PTPRD: variants seen among roughly 807,000 people sequenced by gnomAD.
PTPRD encodes the protein receptor-type tyrosine-protein phosphatase delta.
In PTPRD, 34 loss-of-function variants were observed where a neutral mutation model predicts 214.5. The observed-to-expected ratio is 0.16, with a 90% CI of 0.12 to 0.21. PTPRD has a LOEUF of 0.21. Ranked by LOEUF, PTPRD falls within the 10% of genes least tolerant of loss-of-function variation. PTPRD has a pLI of 1.00. For missense variants in PTPRD, 2,545 were observed against 2,398.7 expected, an observed-to-expected ratio of 1.06 and a Z score of -1.27; for synonymous variants, 1,128 against 845.7, an observed-to-expected ratio of 1.33 and a Z score of -5.79.
intron 7 of PTPRD, among the ~76,000 whole-genome samples, chr9:9,577,230 A>G (rs1011721306): frequency 2.6e-5 from 4 of 152,204 alleles, no homozygotes; most frequent in African/African-American, 9.7e-5. Context: ...ACCATTTTCA[A>G]TGATTTGTGG....
intron 7 of PTPRD, among the ~76,000 whole-genome samples, chr9:9,639,345 A>G (rs2095865644): frequency 6.6e-6 from 1 of 152,196 alleles, no homozygotes; most frequent in African/African-American, 2.4e-5. Flanking sequence ...GAACGGACAG[A>G]TGAATACCAA....
intron 10 of PTPRD, among the ~76,000 whole-genome samples, chr9:9,152,454 ATGATGTTCACACACAGGTTAAAGCAGACT>A (rs1250693057): frequency 6.6e-6 from 1 of 152,218 alleles, no homozygotes; most frequent in East Asian, 1.9e-4. Context: ...GGGGGAAATT[ATGATGTTCACACACAGGTTAAAGCAGACT>A]GTAGGATCCT....
chr9:10,571,057 G>A lies in PTPRD; in HGVS notation c.-600+41341C>T, dbSNP rs535569471. 6.1e-3 allele frequency among the ~76,000 whole-genome samples: 927 copies of A among 152,054 alleles called. 14 individuals are homozygous for A. The highest frequency in any genetic ancestry group is 0.021 in the African/African-American group (872 of 41,486). ...CCATTAATCTTCCTTACTATTTTAT[G>A]CATATTTGCATTATAGTGAAGTATT... On this transcript the variant is annotated intron_variant, in intron 2 of 45. Coordinates refer to ENST00000381196, the MANE Select transcript of PTPRD (RefSeq NM_002839.4).
intron 9 of PTPRD, among the ~76,000 whole-genome samples, chr9:9,336,038 T>A (rs114044137): frequency 0.028 from 4,263 of 152,006 alleles, 200 homozygotes; most frequent in African/African-American, 0.098. Context: ...CAAAAAAAGA[T>A]GTTAAAAAGA....
intron 5 of PTPRD, among the ~76,000 whole-genome samples, chr9:9,894,152 T>C (rs1213350373): frequency 6.6e-6 from 1 of 152,030 alleles, no homozygotes; most frequent in Non-Finnish European, 1.5e-5. Context: ...AACACCTCTA[T>C]ATCTCCAAGA....
At chr9:8,758,704 A>C (rs1202717073) in intron 11 of PTPRD, among the ~76,000 whole-genome samples, 2 of 152,174 alleles carry the variant, frequency 1.3e-5, no homozygotes, top group Non-Finnish European at 2.9e-5. Context: ...AATATGCTAC[A>C]ACAAGACAAA....
chr9:9,861,437 T>C (rs1373613676), intron 5 of PTPRD, among the ~76,000 whole-genome samples: 2 of 152,014 alleles, frequency 1.3e-5, no homozygotes. Flanking sequence ...ACTACAGGCA[T>C]GCACCACCAT....
Position 8,947,370 on chromosome 9 carries a change from G to A in PTPRD, c.-104+71327C>T, listed in dbSNP as rs1033813895. Among the ~76,000 whole-genome samples the A allele has an allele frequency of 4.7e-5, 7 of 150,278 alleles. No individual in the cohort carries two copies. In the South Asian group the frequency reaches 1.5e-3, roughly 31 times the overall value. ...CCCAGCTATTCGGGAGACTGAGGCA[G>A]GAGAATCTTCTGAACCCGGGAGGCA... On this transcript the variant is annotated intron_variant, in intron 11 of 45. Transcript: ENST00000381196.
intron 2 of PTPRD, among the ~76,000 whole-genome samples, chr9:10,514,679 A>G (rs1437559625): frequency 1.3e-5 from 2 of 152,000 alleles, no homozygotes; most frequent in African/African-American, 4.8e-5. Context: ...TAAAGTTAAA[A>G]AAGGAATGCA....
chr9:10,264,362 C>T (rs937542805), intron 3 of PTPRD, among the ~76,000 whole-genome samples: 1 of 152,162 alleles, frequency 6.6e-6, no homozygotes, highest in African/African-American at 2.4e-5. Flanking sequence ...AGGGGCTGTA[C>T]CCTGCACAGC....
At position 8,636,705 on chromosome 9, in the gene PTPRD, T is replaced by C. The variant is rs779380520; in HGVS notation, c.204A>G (p.Arg68=). 6.2e-7 allele frequency: 1 copy of C among 1,613,896 alleles called. No homozygotes were observed. The highest frequency in any genetic ancestry group is 1.7e-5 in the Admixed American group (1 of 59,998). ...NKKGKKVSNQ[R]FEVIEFDDGS... is the part of the protein sequence containing the mutation. ...AGAACAATGGACCTAATACCTCAAA[T>C]CTCTGATTGCTGACTTTCTTTCCTT... Residue 68 remains arginine, a synonymous_variant, in exon 13 of 46, where the codon AGA becomes AGG. Coordinates refer to ENST00000381196, the MANE Select transcript of PTPRD (RefSeq NM_002839.4).
intron 10 of PTPRD, among the ~76,000 whole-genome samples, chr9:9,081,575 A>G (rs201924984): frequency 1.3e-5 from 2 of 152,026 alleles, no homozygotes; most frequent in Admixed American, 1.3e-4. Context: ...TCGTTGATCT[A>G]TCTAATACTG....
chr9:9,919,445 C>G (rs372894378), intron 5 of PTPRD, among the ~76,000 whole-genome samples: 16 of 152,124 alleles, frequency 1.1e-4, no homozygotes, highest in African/African-American at 3.4e-4. Flanking sequence ...ACCTCCCTTA[C>G]CAGTGAACTC....
intron 5 of PTPRD, among the ~76,000 whole-genome samples, chr9:9,881,317 T>A (rs139002269): frequency 0.014 from 2,134 of 152,242 alleles, 23 homozygotes; most frequent in South Asian, 0.033. Flanking sequence ...TACCATCAAT[T>A]TATTTCTCTC....
In PTPRD at chr9:8,846,539, G is replaced by A. The variant is rs539061852; in HGVS notation, c.-103-112593C>T. On this transcript the variant is annotated intron_variant, in intron 11 of 45. Transcript: ENST00000381196. The stretch of plus-strand genomic sequence containing the variant: ...AAAGGTACCCAGACTTGGGAGGAGG[G>A]AAATTTTCTAGGAAGAGTTGTCAGC... Among the ~76,000 whole-genome samples, 4 of 152,166 alleles carry A rather than the reference G, an allele frequency of 2.6e-5. No homozygotes were observed. The East Asian group carries it at 7.7e-4, about 29-fold the overall frequency.
At chr9:10,343,939 T>G (rs2096999633) in intron 2 of PTPRD, among the ~76,000 whole-genome samples, 1 of 151,284 alleles carries the variant, frequency 6.6e-6, no homozygotes, top group Non-Finnish European at 1.5e-5. Context: ...TGCAAAATTT[T>G]TCTCCCATTC....
intron 9 of PTPRD, among the ~76,000 whole-genome samples, chr9:9,382,331 A>G (rs3955073): frequency 0.24 from 36,372 of 152,024 alleles, 4,427 homozygotes; most frequent in Middle Eastern, 0.37. Context: ...TATGATAACA[A>G]AAGCAGAGGC....
At chr9:9,953,644 G>T (rs1413731366) in intron 4 of PTPRD, among the ~76,000 whole-genome samples, 1 of 152,110 alleles carries the variant, frequency 6.6e-6, no homozygotes, top group Non-Finnish European at 1.5e-5. Context: ...CAAATTAACA[G>T]TCTGTGATAT....
chr9:9,371,449 G>A (rs559063318), intron 9 of PTPRD, among the ~76,000 whole-genome samples: 32 of 152,130 alleles, frequency 2.1e-4, no homozygotes, highest in East Asian at 3.9e-4. Context: ...CTGTGGGATC[G>A]GTGGTAATAT....
Sources: gnomAD v4.1 joint callset for allele counts (sites outside exome capture counted in the v4.1 genomes callset) on GRCh38, gnomAD v4.1.1 for gene constraint, MANE v1.5 for transcripts, NCBI Gene and HGNC (gene_info 2026-07-23, HGNC 2026-07-21) for gene names.